Variants in PREX1 observed in about 807,000 individuals in gnomAD.
PREX1 encodes the protein phosphatidylinositol 3,4,5-trisphosphate-dependent Rac exchanger 1 protein.
PREX1 carries 41 observed loss-of-function variants against 198.3 expected under a neutral mutation model. The observed-to-expected ratio is 0.21, with a 90% CI of 0.16 to 0.27. PREX1 has a LOEUF of 0.27. Ranked by LOEUF, PREX1 falls within the 10% of genes least tolerant of loss-of-function variation. PREX1 has a pLI of 1.00. For synonymous variants in PREX1, 843 were observed against 887.2 expected (o/e 0.95, Z 0.89); for missense variants, 1,620 against 2,200.7 (o/e 0.74, Z 5.28).
chr20:48,762,999 A>C (rs1266480667), intron 1 of PREX1, among the ~76,000 whole-genome samples: 1 of 152,236 alleles, frequency 6.6e-6, no homozygotes, highest in Non-Finnish European at 1.5e-5. Context: ...CATCATGCCC[A>C]GCCAATATGA....
At chr20:48,636,272 G>A (rs2089362326) in intron 32 of PREX1, among the ~76,000 whole-genome samples, 191 bp downstream of exon 32, 1 of 152,256 alleles carries the variant, frequency 6.6e-6, no homozygotes, top group Admixed American at 6.5e-5. Flanking sequence ...CCTGGGTACA[G>A]GGACTCTGTT....
chr20:48,837,601 T>A, the PREX1 span, among the ~76,000 whole-genome samples: 2 of 152,198 alleles, frequency 1.3e-5, no homozygotes, highest in Admixed American at 6.5e-5. Flanking sequence ...TTCTCACTTA[T>A]AAGCAGGAGC....
At chr20:48,826,462 C>T (rs1473407103) in intron 1 of PREX1, among the ~76,000 whole-genome samples, 3 of 152,214 alleles carry the variant, frequency 2.0e-5, no homozygotes, top group African/African-American at 7.2e-5. Flanking sequence ...AGAACACCAG[C>T]TGGGATAGTC....
At chr20:48,885,846 T>C in the PREX1 span, among the ~76,000 whole-genome samples, 15 of 152,116 alleles carry the variant, frequency 9.9e-5, no homozygotes, top group Non-Finnish European at 1.9e-4. Flanking sequence ...CGACATGACA[T>C]TCTGGAAAAG....
At chr20:48,737,478 G>A (rs1160425205) in intron 3 of PREX1, among the ~76,000 whole-genome samples, 1 of 152,170 alleles carries the variant, frequency 6.6e-6, no homozygotes, top group African/African-American at 2.4e-5. Flanking sequence ...GCGGCCACTG[G>A]CAGAGAGCAG....
chr20:48,813,681 G>C (rs2090446397), intron 1 of PREX1, among the ~76,000 whole-genome samples: 1 of 152,172 alleles, frequency 6.6e-6, no homozygotes, highest in Non-Finnish European at 1.5e-5. Flanking sequence ...AAAGGAAAGG[G>C]AGAGGGGGAG....
intron 1 of PREX1, among the ~76,000 whole-genome samples, chr20:48,798,198 C>T (rs1172346172): frequency 6.6e-6 from 1 of 152,184 alleles, no homozygotes; most frequent in Non-Finnish European, 1.5e-5. Flanking sequence ...GGGTCAAGGT[C>T]TAGTTTCCCC....
chr20:48,874,399 G>A, the PREX1 span, among the ~76,000 whole-genome samples: 1 of 151,344 alleles, frequency 6.6e-6, no homozygotes, highest in Non-Finnish European at 1.5e-5. Flanking sequence ...GTGTGTGTGT[G>A]TGTGTGTGTG....
rs749609438 is a variant in PREX1, at chr20:48,627,981, G to A, written c.4767-18C>T. Reference sequence around the variant, plus strand: ...GGGTGCTCCTGCAGCAGGGGAGGGAGGACAGCGGGTTGGCGGTGGGGGGAC... The same window carrying A: ...GGGTGCTCCTGCAGCAGGGGAGGGAAGACAGCGGGTTGGCGGTGGGGGGAC... On this transcript the variant is annotated intron_variant, in intron 37 of 39. Transcript: ENST00000371941. 3 of 1,590,178 alleles carry A rather than the reference G, an allele frequency of 1.9e-6. No homozygotes were observed. Among genetic ancestry groups the A allele is most frequent in the East Asian group, 4.5e-5 (2 of 44,388 alleles).
rs564955576 is a variant in PREX1, at chr20:48,686,586, C to T, written c.1334+2071G>A. 2.0e-5 allele frequency among the ~76,000 whole-genome samples: 3 copies of T among 152,280 alleles called. No homozygotes were observed. The East Asian group carries it at 5.8e-4, about 29-fold the overall frequency. On this transcript the variant is annotated intron_variant, in intron 10 of 39. Transcript: ENST00000371941. The stretch of plus-strand genomic sequence containing the variant: ...GCCCCAGGGGGCCCGGAAGCAGGCC[C>T]CTCCTGAGAGAAAAACCTCCTTTCC...
intron 1 of PREX1, among the ~76,000 whole-genome samples, chr20:48,800,936 G>A (rs1367517267): frequency 1.3e-5 from 2 of 152,080 alleles, no homozygotes; most frequent in African/African-American, 4.8e-5. Flanking sequence ...GATTACAGGT[G>A]TGGGCCACCG....
At chr20:48,652,191 C>T (rs1051402331) in intron 21 of PREX1, among the ~76,000 whole-genome samples, 2 of 152,260 alleles carry the variant, frequency 1.3e-5, no homozygotes, top group South Asian at 2.1e-4. Context: ...CAGCACTCTG[C>T]GAGGCCGAGG....
the PREX1 span, among the ~76,000 whole-genome samples, chr20:48,860,123 G>A: frequency 1.3e-5 from 2 of 152,254 alleles, no homozygotes; most frequent in African/African-American, 4.8e-5. Flanking sequence ...TGGAAGCAAT[G>A]CAAGTGTCCA....
chr20:48,646,938 G>A (rs1035252837), intron 25 of PREX1, among the ~76,000 whole-genome samples: 2 of 152,184 alleles, frequency 1.3e-5, no homozygotes, highest in Non-Finnish European at 2.9e-5. Flanking sequence ...TGACAATTAA[G>A]GGAGTTAAAA....
At chr20:48,663,103 G>T (rs1362387053) in intron 15 of PREX1, among the ~76,000 whole-genome samples, 1 of 152,192 alleles carries the variant, frequency 6.6e-6, no homozygotes, top group Non-Finnish European at 1.5e-5. Context: ...GCCCACCTCA[G>T]CTGGGGAAAC....
chr20:48,768,035 G>A (rs1432975917), intron 1 of PREX1, among the ~76,000 whole-genome samples: 1 of 152,234 alleles, frequency 6.6e-6, no homozygotes, highest in East Asian at 1.9e-4. Context: ...CTGGCTGCTT[G>A]TGCTGAATCC....
chr20:48,814,800 C>G (rs193146124), intron 1 of PREX1, among the ~76,000 whole-genome samples: 3 of 152,160 alleles, frequency 2.0e-5, no homozygotes, highest in Admixed American at 1.3e-4. Flanking sequence ...TAAACCGAAC[C>G]CTGTCAGTAA....
rs1413095253 is a variant in PREX1, at chr20:48,627,195, A to G, written c.4937+353T>C. ...CGAGCCGCTCAGGGGTCAGGGACTCAGGGTAGGGGGCACGGGGTGGGGGGC... is the reference window on the plus strand; with the variant it reads ...CGAGCCGCTCAGGGGTCAGGGACTCGGGGTAGGGGGCACGGGGTGGGGGGC... On this transcript the variant is annotated intron_variant, in intron 39 of 39. Coordinates refer to ENST00000371941, the MANE Select transcript of PREX1 (RefSeq NM_020820.4). 2.0e-4 allele frequency among the ~76,000 whole-genome samples: 18 copies of G among 90,394 alleles called. No individual in the cohort carries two copies. In the Admixed American group the frequency reaches 2.3e-3, roughly 11 times the overall value. The allele number at this position is 90,394 out of a possible 152,430, so 59.3% of individuals were successfully genotyped here.
At chr20:48,786,940 G>C (rs1601135736) in intron 1 of PREX1, among the ~76,000 whole-genome samples, 1 of 151,928 alleles carries the variant, frequency 6.6e-6, no homozygotes, top group Non-Finnish European at 1.5e-5. Flanking sequence ...AAGGACAAGA[G>C]GTCACAAGGA....
Sources: allele counts gnomAD v4.1 joint callset (sites outside exome capture counted in the v4.1 genomes callset), GRCh38; gene constraint gnomAD v4.1.1; transcripts MANE v1.5; gene names NCBI Gene and HGNC (gene_info 2026-07-23, HGNC 2026-07-21).